RP1: variants seen among roughly 807,000 people sequenced by gnomAD.
RP1 encodes the protein oxygen-regulated protein 1.
RP1 carries 16 observed loss-of-function variants against 14.8 expected under a neutral mutation model. The observed-to-expected ratio is 1.08, with a 90% CI of 0.73 to 1.65. The LOEUF is 1.65. RP1 is among the 40% of genes most tolerant of loss of function. RP1 has a pLI of 0.00. For synonymous variants in RP1, 876 were observed against 883.6 expected (o/e 0.99, Z 0.15); for missense variants, 2,631 against 2,535.0 (o/e 1.04, Z -0.81).
At chr8:54,693,220 G>A (rs955185322) in intron 12 of RP1, among the ~76,000 whole-genome samples, 7 of 152,148 alleles carry the variant, frequency 4.6e-5, no homozygotes, top group African/African-American at 1.7e-4. Context: ...GATTACTGTA[G>A]CCTTGTAGTA....
chr8:54,561,016 G>A (rs1804274154), intron 1 of RP1: 1 of 151,286 alleles, frequency 6.6e-6, no homozygotes, highest in Non-Finnish European at 1.5e-5. Flanking sequence ...CTGGATGCTA[G>A]GGAGACCACA....
intron 1 of RP1, among the ~76,000 whole-genome samples, chr8:54,603,777 G>A (rs1218756371): frequency 4.6e-5 from 7 of 152,080 alleles, no homozygotes; most frequent in Non-Finnish European, 1.0e-4. Flanking sequence ...TGGATTCCTA[G>A]GTATTTTATT....
intron 1 of RP1, among the ~76,000 whole-genome samples, chr8:54,605,978 G>A (rs781342323): frequency 6.6e-6 from 1 of 151,118 alleles, no homozygotes; most frequent in Non-Finnish European, 1.5e-5. Flanking sequence ...CACACTGATG[G>A]GTCTTGACTC....
intron 4 of RP1, among the ~76,000 whole-genome samples, chr8:54,650,351 T>A (rs995618417): frequency 1.3e-5 from 2 of 152,146 alleles, no homozygotes; most frequent in African/African-American, 4.8e-5. Context: ...CTTGTAAGGG[T>A]TCTTAGGCAG....
chr8:54,598,737 A>G (rs953680941), intron 1 of RP1, among the ~76,000 whole-genome samples: 2 of 152,206 alleles, frequency 1.3e-5, no homozygotes, highest in African/African-American at 4.8e-5. Context: ...TGCCGGACAT[A>G]GAACTGTGGT....
intron 12 of RP1, chr8:54,697,167 G>A: frequency 1.2e-6 from 1 of 813,588 alleles, no homozygotes; most frequent in East Asian, 2.6e-5. Flanking sequence ...TCAATGAAGT[G>A]GAAGCATGTG....
intron 6 of RP1, chr8:54,656,330 C>T: frequency 9.5e-7 from 1 of 1,051,768 alleles, no homozygotes; most frequent in South Asian, 1.8e-5. Flanking sequence ...CTGCCAGTTT[C>T]TTATCACTTA....
At chr8:54,754,181 G>A (rs1050974648) in intron 19 of RP1, among the ~76,000 whole-genome samples, 1 of 152,134 alleles carries the variant, frequency 6.6e-6, no homozygotes, top group African/African-American at 2.4e-5. Flanking sequence ...ATGTTGGAAG[G>A]TGTAGGCATT....
intron 24 of RP1, among the ~76,000 whole-genome samples, chr8:54,794,352 A>T (rs1008923062): frequency 1.3e-5 from 2 of 151,678 alleles, no homozygotes; most frequent in African/African-American, 2.4e-5. Flanking sequence ...TTTTTATTTT[A>T]TTGGCATAAA....
upstream of RP1, among the ~76,000 whole-genome samples, chr8:54,611,829 T>A (rs1364993252): frequency 6.6e-6 from 1 of 152,084 alleles, no homozygotes; most frequent in African/African-American, 2.4e-5. Context: ...GGAAATTTAA[T>A]CCTCTCCCCT....
intron 7 of RP1, among the ~76,000 whole-genome samples, chr8:54,673,468 C>T (rs2129333094): frequency 6.6e-6 from 1 of 152,168 alleles, no homozygotes; most frequent in South Asian, 2.1e-4. Flanking sequence ...GGCTGGGTGC[C>T]GTGGCCCACG....
intron 23 of RP1, among the ~76,000 whole-genome samples, chr8:54,778,624 T>C (rs1346574522): frequency 3.3e-5 from 5 of 152,078 alleles, no homozygotes; most frequent in Non-Finnish European, 5.9e-5. Flanking sequence ...TGCCCAGCCA[T>C]GTTAATGCTT....
intron 3 of RP1, among the ~76,000 whole-genome samples, chr8:54,643,406 T>C (rs1212319313): frequency 6.6e-6 from 1 of 152,188 alleles, no homozygotes; most frequent in African/African-American, 2.4e-5. Context: ...CTTTTAGTTA[T>C]ACAAATAAGC....
intron 3 of RP1, among the ~76,000 whole-genome samples, chr8:54,638,793 T>C (rs1189446367): frequency 6.6e-6 from 1 of 151,976 alleles, no homozygotes; most frequent in African/African-American, 2.4e-5. Flanking sequence ...TCCCCTCCGT[T>C]TTTTGTTCTT....
Position 54,622,126 on chromosome 8 carries a change from C to CT in RP1, c.626dup (p.Gln210ProfsTer19). ...CTCTGGTCTCTTTTAGGTTCCCAGC[C>CT]TCCAGGCAGTGATCCTGAGCTCTGG... On this transcript the variant is annotated frameshift_variant, in exon 3 of 4. Coordinates refer to ENST00000220676, the MANE Select transcript of RP1 (RefSeq NM_006269.2). LOFTEE classifies it high-confidence loss of function. The CT allele has an allele frequency of 6.2e-7, 1 of 1,614,170 alleles. No homozygotes were observed. The highest frequency in any genetic ancestry group is 8.5e-7 in the Non-Finnish European group (1 of 1,180,024).
Position 54,629,182 on chromosome 8 carries a change from C to A in RP1, c.5300C>A (p.Ala1767Glu), listed in dbSNP as rs772615863. ...SSENPGMCGN[A>E]DTTSVDTLLD... is the part of the protein sequence containing the mutation. ...GAAAATCCTGGCATGTGTGGCAATG[C>A]AGACACCACATCAGTGGACACCCTA... Residue 1767 changes from alanine (A) to glutamate (E), a missense_variant, in exon 4 of 4, where the codon GCA becomes GAA. Coordinates refer to ENST00000220676, the MANE Select transcript of RP1 (RefSeq NM_006269.2). The A allele has an allele frequency of 7.4e-6, 12 of 1,613,976 alleles. No homozygotes were observed. In the African/African-American group the frequency reaches 8.0e-5, roughly 11 times the overall value.
chr8:54,725,017 A>C (rs73679605), intron 16 of RP1, among the ~76,000 whole-genome samples: 27 of 152,266 alleles, frequency 1.8e-4, no homozygotes, highest in African/African-American at 5.5e-4. Context: ...TGCTTGTGTC[A>C]GTTAAAGCGC....
At chr8:54,619,847 T>C (rs1232144548) in intron 1 of RP1, among the ~76,000 whole-genome samples, 2 of 152,252 alleles carry the variant, frequency 1.3e-5, no homozygotes, top group Non-Finnish European at 2.9e-5. Context: ...AGATGGCTCT[T>C]ACTTAAGGTT....
intron 27 of RP1, among the ~76,000 whole-genome samples, chr8:54,859,196 G>A (rs960822404): frequency 5.3e-5 from 8 of 151,848 alleles, no homozygotes. Context: ...TCACTGTAGT[G>A]CAATGTCACT....
Sources: allele counts gnomAD v4.1 joint callset (sites outside exome capture counted in the v4.1 genomes callset), GRCh38; gene constraint gnomAD v4.1.1; transcripts MANE v1.5; gene names NCBI Gene and HGNC (gene_info 2026-07-23, HGNC 2026-07-21).